DOCK3: variants seen among roughly 807,000 people sequenced by gnomAD.
DOCK3 encodes dedicator of cytokinesis protein 3.
In DOCK3, 60 loss-of-function variants were observed where a neutral mutation model predicts 265.6. The observed-to-expected ratio is 0.23, with a 90% CI of 0.18 to 0.28. The LOEUF is 0.28. Among genes scored for constraint, DOCK3 ranks in the 10% least tolerant of loss-of-function variants. DOCK3 has a pLI of 1.00. For missense variants in DOCK3, 1,981 were observed against 2,594.3 expected (o/e 0.76, Z 5.14); for synonymous variants, 881 against 938.0 (o/e 0.94, Z 1.11).
chr3:51,196,092 C>T (rs535157560), intron 12 of DOCK3, among the ~76,000 whole-genome samples: 2 of 121,846 alleles, frequency 1.6e-5, no homozygotes, highest in African/African-American at 3.3e-5. Context: ...CACTTCACCA[C>T]GCCCAGCTAA....
chr3:51,325,516 G>A (rs750288065), intron 32 of DOCK3, among the ~76,000 whole-genome samples: 1 of 152,150 alleles, frequency 6.6e-6, no homozygotes, highest in South Asian at 2.1e-4. Context: ...ATTCCTCAAG[G>A]ATCTAGAACC....
At chr3:50,796,811 G>A (rs1039961107) in intron 2 of DOCK3, among the ~76,000 whole-genome samples, 2 of 151,758 alleles carry the variant, frequency 1.3e-5, no homozygotes, top group Admixed American at 6.6e-5. Context: ...TTTTGATTGC[G>A]GTATAAGGTG....
At chr3:51,345,966 G>C (rs2085536265) in intron 38 of DOCK3, among the ~76,000 whole-genome samples, 1 of 152,204 alleles carries the variant, frequency 6.6e-6, no homozygotes, top group African/African-American at 2.4e-5. Context: ...AAGATTGGCT[G>C]TGAGTTGGTC....
At chr3:50,852,735 T>G (rs1424998546) in intron 3 of DOCK3, among the ~76,000 whole-genome samples, 2 of 152,208 alleles carry the variant, frequency 1.3e-5, no homozygotes, top group Admixed American at 6.5e-5. Flanking sequence ...CTGATTTTTT[T>G]GTGTATTATT....
rs185679094 is a variant in DOCK3 at position 50,891,537 on chromosome 3, C to T, written c.218+1456C>T. Among the ~76,000 whole-genome samples, 164 of 152,168 alleles carry T rather than the reference C, an allele frequency of 1.1e-3. 1 individual carries two copies. Among genetic ancestry groups the T allele is most frequent in the Admixed American group, 3.5e-3 (53 of 15,240 alleles). On this transcript the variant is annotated intron_variant, in intron 4 of 52. Transcript: ENST00000266037. ...TATAAGTAAGGACTATCAAAAGTAT[C>T]AAGCCTGGATAGAAGTGTGGGAAAA...
chr3:51,013,096 C>T (rs926292833), intron 5 of DOCK3, among the ~76,000 whole-genome samples: 2 of 152,140 alleles, frequency 1.3e-5, no homozygotes, highest in South Asian at 4.1e-4. Flanking sequence ...GTTCGAACAT[C>T]CTCCTTTACC....
intron 5 of DOCK3, among the ~76,000 whole-genome samples, chr3:50,985,539 A>G (rs1357502722): frequency 6.6e-6 from 1 of 152,166 alleles, no homozygotes; most frequent in African/African-American, 2.4e-5. Flanking sequence ...ATAGCTTTTA[A>G]TCACTTTCAG....
At chr3:50,912,627 A>G (rs971430067) in intron 4 of DOCK3, among the ~76,000 whole-genome samples, 1 of 152,068 alleles carries the variant, frequency 6.6e-6, no homozygotes, top group Non-Finnish European at 1.5e-5. Flanking sequence ...CTATTGTGCT[A>G]TGTAGTTGAG....
intron 25 of DOCK3, among the ~76,000 whole-genome samples, chr3:51,276,080 A>G (rs2080803576): frequency 6.6e-6 from 1 of 152,230 alleles, no homozygotes; most frequent in African/African-American, 2.4e-5. Flanking sequence ...GGTGATAAGA[A>G]TATACAAGGA....
At chr3:51,260,713 G>A (rs1018997894) in intron 23 of DOCK3, among the ~76,000 whole-genome samples, 5 of 152,166 alleles carry the variant, frequency 3.3e-5, no homozygotes, top group Non-Finnish European at 7.3e-5. Flanking sequence ...TGAGCACAGT[G>A]GCTCACACCT....
At chr3:51,064,074 A>G (rs1053161229) in intron 5 of DOCK3, among the ~76,000 whole-genome samples, 2 of 152,182 alleles carry the variant, frequency 1.3e-5, no homozygotes, top group Non-Finnish European at 2.9e-5. Flanking sequence ...TTATTGCTGG[A>G]TGGTTGAAAT....
intron 9 of DOCK3, among the ~76,000 whole-genome samples, chr3:51,130,060 G>A (rs2084451693): frequency 6.6e-6 from 1 of 152,184 alleles, no homozygotes; most frequent in Non-Finnish European, 1.5e-5. Context: ...CTTCACCTTA[G>A]AAGGAATATC....
At chr3:51,134,301 T>C (rs1456319297) in intron 9 of DOCK3, among the ~76,000 whole-genome samples, 2 of 152,160 alleles carry the variant, frequency 1.3e-5, no homozygotes, top group Non-Finnish European at 2.9e-5. Flanking sequence ...CACCCAGCAA[T>C]GGATTGCTGG....
At chr3:50,915,226 A>T (rs1454204226) in intron 4 of DOCK3, among the ~76,000 whole-genome samples, 1 of 152,012 alleles carries the variant, frequency 6.6e-6, no homozygotes, top group Non-Finnish European at 1.5e-5. Context: ...CCCCAATCCA[A>T]TAGAACTCAG....
At chr3:51,070,057 A>G (rs1048348816) in intron 6 of DOCK3, among the ~76,000 whole-genome samples, 1 of 152,162 alleles carries the variant, frequency 6.6e-6, no homozygotes, top group African/African-American at 2.4e-5. Context: ...AAGTCCTGTC[A>G]AGTTTATGTT....
At chr3:51,067,796 T>G (rs896786401) in intron 6 of DOCK3, among the ~76,000 whole-genome samples, 2 of 152,224 alleles carry the variant, frequency 1.3e-5, no homozygotes, top group Non-Finnish European at 2.9e-5. Context: ...TTGAGCTTAC[T>G]CTTTTAAAAC....
chr3:51,058,304 T>C (rs4927960), intron 5 of DOCK3, among the ~76,000 whole-genome samples: 137,261 of 152,260 alleles, frequency 0.9, 62,069 homozygotes, highest in African/African-American at 0.95. Flanking sequence ...GGAAAATAGA[T>C]TCCATGTCAT....
Position 51,057,601 on chromosome 3 carries a change from G to T in DOCK3, c.316-6847G>T, listed in dbSNP as rs558849146. On this transcript the variant is annotated intron_variant, in intron 5 of 52. Transcript: ENST00000266037. ...GGTATTCAGCTGTTTTGTGGCATCAGATCATTCTAGGTGAATGTATGCTCT... is the reference window on the plus strand; with the variant it reads ...GGTATTCAGCTGTTTTGTGGCATCATATCATTCTAGGTGAATGTATGCTCT... Among the ~76,000 whole-genome samples the T allele has an allele frequency of 2.0e-5, 3 of 152,318 alleles. No homozygotes were observed. In the East Asian group the frequency reaches 5.8e-4, roughly 29 times the overall value.
intron 9 of DOCK3, among the ~76,000 whole-genome samples, chr3:51,111,033 C>CA (rs2109836343): frequency 6.6e-6 from 1 of 152,248 alleles, no homozygotes; most frequent in African/African-American, 2.4e-5. Flanking sequence ...CTATACCCAA[C>CA]AACAGCTAAG....
Sources: allele counts gnomAD v4.1 joint callset (sites outside exome capture counted in the v4.1 genomes callset), GRCh38; gene constraint gnomAD v4.1.1; transcripts MANE v1.5; gene names NCBI Gene and HGNC (gene_info 2026-07-23, HGNC 2026-07-21).